The following SPIN1 variants were observed in gnomAD, a reference collection of about 807,000 sequenced individuals.
SPIN1 encodes the protein spindlin 1, also known as spindlin-1.
A neutral mutation model predicts 26.0 loss-of-function variants in SPIN1; 3 were observed. The ratio of observed to expected loss-of-function variants is 0.12; its 90% confidence interval spans 0.05 to 0.30. The LOEUF (loss-of-function observed/expected upper bound fraction) is 0.30. Ranked by LOEUF, SPIN1 falls within the 10% of genes least tolerant of loss-of-function variation. The pLI, the probability that SPIN1 is intolerant of heterozygous loss-of-function variation, is 1.00. For missense variants in SPIN1, 126 were observed against 333.4 expected (o/e 0.38, Z 4.84); for synonymous variants, 101 against 116.5 (o/e 0.87, Z 0.86).
At chr9:88,405,586 C>T (rs1290291954) in intron 1 of SPIN1, among the ~76,000 whole-genome samples, 2 of 140,734 alleles carry the variant, frequency 1.4e-5, no homozygotes, top group African/African-American at 5.6e-5. Context: ...TCTCGTTACC[C>T]AGGCTGGAGT....
intron 3 of SPIN1, chr9:88,458,082 A>G (rs1249172202): frequency 1.3e-6 from 1 of 746,970 alleles, no homozygotes; most frequent in Non-Finnish European, 1.6e-6. Flanking sequence ...AGAAAAATGA[A>G]AGTTTAGGTA....
At chr9:88,470,424 A>G (rs377719319) in intron 5 of SPIN1, among the ~76,000 whole-genome samples, 3 of 152,192 alleles carry the variant, frequency 2.0e-5, no homozygotes, top group East Asian at 1.9e-4. Flanking sequence ...ACCACTTTAC[A>G]TTTCCAACAG....
chr9:88,427,602 CTCTTTTTTT>C (rs1221070628), intron 2 of SPIN1, among the ~76,000 whole-genome samples: 1 of 151,514 alleles, frequency 6.6e-6, no homozygotes, highest in Non-Finnish European at 1.5e-5. Flanking sequence ...TTCTTTTTCT[CTCTTTTTTT>C]TCTTTTTTTT....
intron 2 of SPIN1, among the ~76,000 whole-genome samples, chr9:88,428,878 CTCTT>C (rs964449172): frequency 1.3e-5 from 2 of 152,086 alleles, no homozygotes; most frequent in African/African-American, 2.4e-5. Context: ...TGCCTATTCT[CTCTT>C]TCTTTTTTAA....
intron 3 of SPIN1, among the ~76,000 whole-genome samples, chr9:88,455,921 C>G (rs899458948): frequency 6.6e-6 from 1 of 152,160 alleles, no homozygotes; most frequent in Non-Finnish European, 1.5e-5. Context: ...AGTTTGAGGA[C>G]AATTTGGGCA....
intron 1 of SPIN1, among the ~76,000 whole-genome samples, chr9:88,408,295 C>G (rs1827353149): frequency 6.8e-6 from 1 of 146,978 alleles, no homozygotes; most frequent in African/African-American, 2.5e-5. Context: ...CCCATTTAAG[C>G]ACTTCAGATC....
chr9:88,389,442 A>T (rs997057182), intron 1 of SPIN1: 2 of 152,224 alleles, frequency 1.3e-5, no homozygotes, highest in African/African-American at 4.8e-5. Context: ...CAGTAATGTC[A>T]TCGTATACGC....
intron 1 of SPIN1, chr9:88,410,568 G>A: frequency 1.2e-6 from 1 of 835,538 alleles, no homozygotes; most frequent in Non-Finnish European, 2.1e-6. Flanking sequence ...TGCTGCTACT[G>A]GAACCACCAT....
At chr9:88,398,001 A>G (rs1050652635) in intron 1 of SPIN1, among the ~76,000 whole-genome samples, 2 of 151,240 alleles carry the variant, frequency 1.3e-5, no homozygotes, top group African/African-American at 4.9e-5. Flanking sequence ...GGCTCATTGC[A>G]GCCTCGACCT....
rs148582365 is a variant in SPIN1 at position 88,417,401 on chromosome 9, G to A, written c.-158-8981G>A. On this transcript the variant is annotated intron_variant, in intron 1 of 5. Coordinates refer to ENST00000375859, the MANE Select transcript of SPIN1 (RefSeq NM_006717.3). ...TTCTCAGAGTATCCACCTGGAAATA[G>A]CATCACATCCCACAAGACTGCCCCC... 4.7e-3 allele frequency among the ~76,000 whole-genome samples: 714 copies of A among 152,276 alleles called. 4 individuals carry two copies. The highest frequency in any genetic ancestry group is 0.016 in the African/African-American group (668 of 41,564).
At chr9:88,435,080 AGTAT>A (rs1376214185) in intron 2 of SPIN1, among the ~76,000 whole-genome samples, 3 of 151,588 alleles carry the variant, frequency 2.0e-5, no homozygotes, top group Non-Finnish European at 4.4e-5. Context: ...TATCTTTGTC[AGTAT>A]GTCTTGCTGT....
rs191757534 is a variant in SPIN1 at position 88,457,592 on chromosome 9, T to C, written c.102-4904T>C. Among the ~76,000 whole-genome samples, 166 of 152,148 alleles carry C rather than the reference T, an allele frequency of 1.1e-3. 5 individuals are homozygous for C. Among genetic ancestry groups the C allele is most frequent in the Admixed American group, 8.2e-3 (125 of 15,284 alleles). On this transcript the variant is annotated intron_variant, in intron 3 of 5. Coordinates refer to ENST00000375859, the MANE Select transcript of SPIN1 (RefSeq NM_006717.3). ...AAATTGCCCCTCAGAGGAACAAGGATCAGATTGGCTTCTATTGTCTGTAAT... is the reference window on the plus strand; with the variant it reads ...AAATTGCCCCTCAGAGGAACAAGGACCAGATTGGCTTCTATTGTCTGTAAT...
At chr9:88,467,064 T>G (rs79716986) in intron 4 of SPIN1, among the ~76,000 whole-genome samples, 1 of 151,920 alleles carries the variant, frequency 6.6e-6, no homozygotes, top group Non-Finnish European at 1.5e-5. Context: ...TGTTTGTTTG[T>G]TTTTTAAAGA....
intron 2 of SPIN1, among the ~76,000 whole-genome samples, chr9:88,434,584 T>A (rs28539087): frequency 0.19 from 29,170 of 152,026 alleles, 3,685 homozygotes; most frequent in African/African-American, 0.36. Flanking sequence ...CATTAACTTT[T>A]CTTTTTCTGC....
At chr9:88,403,946 TA>T (rs1827241699) in intron 1 of SPIN1, among the ~76,000 whole-genome samples, 1 of 152,150 alleles carries the variant, frequency 6.6e-6, no homozygotes, top group South Asian at 2.1e-4. Flanking sequence ...AGGTGAGCAT[TA>T]TAGAGCATAC....
At position 88,396,251 on chromosome 9, in the gene SPIN1, A is replaced by G. The variant is rs558820576; in HGVS notation, c.-159+7713A>G. On this transcript the variant is annotated intron_variant, in intron 1 of 5. Coordinates refer to ENST00000375859, the MANE Select transcript of SPIN1 (RefSeq NM_006717.3). Reference sequence around the variant, plus strand: ...GAGACTCCATCTCAAAAAAAAAAAAATTACATTTTTAAAAGGCAGATCTGA... The same window carrying G: ...GAGACTCCATCTCAAAAAAAAAAAAGTTACATTTTTAAAAGGCAGATCTGA... Among the ~76,000 whole-genome samples, 246 of 151,584 alleles carry G rather than the reference A, an allele frequency of 1.6e-3. 1 individual carries two copies. The highest frequency in any genetic ancestry group is 0.014 in the Middle Eastern group (4 of 294).
Position 88,459,661 on chromosome 9 carries a change from GTC to G in SPIN1, c.102-2830_102-2829del, listed in dbSNP as rs1471443863. On this transcript the variant is annotated intron_variant, in intron 3 of 5. Transcript: ENST00000375859. ...GAACAGATAACGGTTACACACTATTGTCTCTCCTTGCCGCCATTTGTTCTACA... is the reference window on the plus strand; with the variant it reads ...GAACAGATAACGGTTACACACTATTGTCTCCTTGCCGCCATTTGTTCTACA... 2.0e-5 allele frequency among the ~76,000 whole-genome samples: 3 copies of G among 152,184 alleles called. No individual in the cohort carries two copies. In the East Asian group the frequency reaches 5.8e-4, roughly 29 times the overall value.
At chr9:88,437,324 C>G (rs890999215) in intron 2 of SPIN1, among the ~76,000 whole-genome samples, 14 of 151,656 alleles carry the variant, frequency 9.2e-5, no homozygotes, top group Non-Finnish European at 1.3e-4. Context: ...ATGGCAAAAC[C>G]CTATCTCTAC....
intron 1 of SPIN1, chr9:88,410,750 T>G: frequency 7.7e-7 from 1 of 1,305,310 alleles, no homozygotes; most frequent in Non-Finnish European, 1.1e-6. Flanking sequence ...CTTCCACCAT[T>G]ACCAAATCCA....
Sources: allele counts gnomAD v4.1 joint callset (sites outside exome capture counted in the v4.1 genomes callset), GRCh38; gene constraint gnomAD v4.1.1; transcripts MANE v1.5; gene names NCBI Gene and HGNC (gene_info 2026-07-23, HGNC 2026-07-21).